The following USP12 variants were observed in gnomAD, a reference collection of about 807,000 sequenced individuals.
USP12 encodes the protein ubiquitin carboxyl-terminal hydrolase 12.
In USP12, 19 loss-of-function variants were observed where a neutral mutation model predicts 45.5. That is an observed-to-expected ratio of 0.42 (90% CI 0.29 to 0.61). The LOEUF is 0.61. USP12 is among the 20% of genes least tolerant of loss of function. The pLI is 0.22. For missense variants in USP12, 242 were observed against 447.7 expected, an observed-to-expected ratio of 0.54 and a Z score of 4.15; for synonymous variants, 149 against 148.8, an observed-to-expected ratio of 1.00 and a Z score of -0.01.
intron 6 of USP12, among the ~76,000 whole-genome samples, chr13:27,075,597 T>C (rs1343222908): frequency 6.6e-6 from 1 of 152,118 alleles, no homozygotes; most frequent in Non-Finnish European, 1.5e-5. Context: ...CTACCCATCA[T>C]TGTCACACCA....
At chr13:27,086,197 A>AAAAAATAT (rs1555233235) in intron 6 of USP12, among the ~76,000 whole-genome samples, 1 of 56,934 alleles carries the variant, frequency 1.8e-5, no homozygotes, top group Admixed American at 2.7e-4. Context: ...AAAAAAAAAA[A>AAAAAATAT]ATATATATAT....
chr13:27,148,563 A>G (rs558576250), intron 1 of USP12, among the ~76,000 whole-genome samples: 1 of 150,550 alleles, frequency 6.6e-6, no homozygotes, highest in Non-Finnish European at 1.5e-5. Flanking sequence ...AATCCCAGCT[A>G]CTCAGGAGGC....
intron 1 of USP12, among the ~76,000 whole-genome samples, chr13:27,132,506 G>A (rs1876553105): frequency 6.6e-6 from 1 of 152,166 alleles, no homozygotes; most frequent in Non-Finnish European, 1.5e-5. Flanking sequence ...CCCCTCGAAG[G>A]AGACTCTTCC....
intron 1 of USP12, among the ~76,000 whole-genome samples, chr13:27,133,257 T>G (rs1207853125): frequency 1.3e-5 from 2 of 152,220 alleles, no homozygotes; most frequent in African/African-American, 4.8e-5. Flanking sequence ...GACATCTTTC[T>G]GTTATTTCTA....
intron 2 of USP12, among the ~76,000 whole-genome samples, chr13:27,111,657 G>C (rs977787958): frequency 6.6e-6 from 1 of 152,010 alleles, no homozygotes; most frequent in Non-Finnish European, 1.5e-5. Flanking sequence ...AGACCATTTT[G>C]AGCGCACATC....
chr13:27,110,861 T>A (rs1875406290), intron 2 of USP12, among the ~76,000 whole-genome samples: 1 of 152,176 alleles, frequency 6.6e-6, no homozygotes, highest in Non-Finnish European at 1.5e-5. Context: ...TATTTTGGAA[T>A]AGGCAACAGG....
At chr13:27,163,911 T>C (rs1337605882) in intron 1 of USP12, among the ~76,000 whole-genome samples, 2 of 152,070 alleles carry the variant, frequency 1.3e-5, no homozygotes, top group African/African-American at 4.8e-5. Flanking sequence ...AGAGGACTAC[T>C]TCCTCAGCAC....
intron 1 of USP12, among the ~76,000 whole-genome samples, chr13:27,160,845 G>A (rs986598859): frequency 6.7e-6 from 1 of 149,618 alleles, no homozygotes; most frequent in Non-Finnish European, 1.5e-5. Flanking sequence ...GTGCAGGTTT[G>A]TGACACAGGT....
At chr13:27,107,577 T>A (rs1875201964) in intron 2 of USP12, among the ~76,000 whole-genome samples, 1 of 152,228 alleles carries the variant, frequency 6.6e-6, no homozygotes, top group South Asian at 2.1e-4. Flanking sequence ...TGTTTGTGTG[T>A]ACGTGTTTTC....
intron 6 of USP12, among the ~76,000 whole-genome samples, chr13:27,083,928 A>C (rs894838772): frequency 4.0e-5 from 6 of 150,970 alleles, no homozygotes; most frequent in Non-Finnish European, 7.4e-5. Flanking sequence ...GCAATGGCGC[A>C]ATCTCGGCTC....
At chr13:27,141,711 T>C (rs1877067892) in intron 1 of USP12, among the ~76,000 whole-genome samples, 1 of 152,190 alleles carries the variant, frequency 6.6e-6, no homozygotes, top group Non-Finnish European at 1.5e-5. Flanking sequence ...TTTCTTGCAG[T>C]AGAATGCCAA....
chr13:27,087,316 G>A (rs1226158469), intron 6 of USP12, among the ~76,000 whole-genome samples: 2 of 151,896 alleles, frequency 1.3e-5, no homozygotes, highest in African/African-American at 2.4e-5. Flanking sequence ...GGGAGCGGGG[G>A]CAGGAAGGCA....
rs34384911 is a variant in USP12 at position 27,163,768 on chromosome 13, T to TAAAAA, written c.48+7819_48+7823dup. 1.9e-4 allele frequency among the ~76,000 whole-genome samples: 16 copies of TAAAAA among 83,282 alleles called. 1 individual carries two copies. The highest frequency in any genetic ancestry group is 2.8e-4 in the Non-Finnish European group (12 of 42,838). 54.6% of individuals were successfully genotyped at this position (83,282 alleles called of 152,430 possible). On this transcript the variant is annotated intron_variant, in intron 1 of 8. Transcript: ENST00000282344. ...CTGAGCAATAGAGCAAGACCTGTCT[T>TAAAAA]AAAAAAAAAAAAAAAAAGAAAAAAA...
chr13:27,157,168 C>T (rs1011476610), intron 1 of USP12, among the ~76,000 whole-genome samples: 14 of 152,232 alleles, frequency 9.2e-5, no homozygotes, highest in African/African-American at 2.6e-4. Context: ...ATATATTCTG[C>T]GTAATAGTTA....
rs1874046998 is a variant in USP12, at chr13:27,086,351, T to G, written c.734+3532A>C. Reference sequence around the variant, plus strand: ...GAAGGATATAAAAATATTTTTTCATTAACATGGTTGCAATTTTTTAAGTGA... The same window carrying G: ...GAAGGATATAAAAATATTTTTTCATGAACATGGTTGCAATTTTTTAAGTGA... On this transcript the variant is annotated intron_variant, in intron 6 of 8. Transcript: ENST00000282344. Among the ~76,000 whole-genome samples, 3 of 150,662 alleles carry G rather than the reference T, an allele frequency of 2.0e-5. No homozygotes were observed. In the Admixed American group the frequency reaches 2.0e-4, roughly 10 times the overall value.
chr13:27,080,129 T>G (rs1240185697), intron 6 of USP12, among the ~76,000 whole-genome samples: 1 of 152,150 alleles, frequency 6.6e-6, no homozygotes, highest in African/African-American at 2.4e-5. Flanking sequence ...GTGATGGACA[T>G]CTGGAGATCC....
chr13:27,134,724 C>T (rs530828737), intron 1 of USP12, among the ~76,000 whole-genome samples: 39 of 151,760 alleles, frequency 2.6e-4, no homozygotes, highest in African/African-American at 8.9e-4. Flanking sequence ...ACAAGATAGA[C>T]GTCATAATAG....
Position 27,086,189 on chromosome 13 carries a change from A to ATATATAT in USP12, c.734+3693_734+3694insATATATA, listed in dbSNP as rs1378446137. Among the ~76,000 whole-genome samples the ATATATAT allele has an allele frequency of 9.1e-3, 738 of 81,492 alleles. 5 individuals carry two copies. The highest frequency in any genetic ancestry group is 0.014 in the Non-Finnish European group (539 of 39,826). 53.5% of individuals were successfully genotyped at this position (81,492 alleles called of 152,430 possible). A position where few individuals can be genotyped will look rare whatever the true frequency, so the allele number is the denominator to read the frequency against. Reference sequence around the variant, plus strand: ...TTTGTCTCTTTAAAAAAAAAAAAAAAAAAAAAAAATATATATATATATATA... The same window carrying ATATATAT: ...TTTGTCTCTTTAAAAAAAAAAAAAAATATATATAAAAAAAAATATATATATATATATA... On this transcript the variant is annotated intron_variant, in intron 6 of 8. Coordinates refer to ENST00000282344, the MANE Select transcript of USP12 (RefSeq NM_182488.4).
chr13:27,075,902 C>T (rs1050468412), intron 6 of USP12, among the ~76,000 whole-genome samples: 4 of 151,882 alleles, frequency 2.6e-5, no homozygotes, highest in Non-Finnish European at 4.4e-5. Context: ...TAGTGGCAGG[C>T]GCCCATAGTC....
Sources: allele counts gnomAD v4.1 joint callset (sites outside exome capture counted in the v4.1 genomes callset), GRCh38; gene constraint gnomAD v4.1.1; transcripts MANE v1.5; gene names NCBI Gene and HGNC (gene_info 2026-07-23, HGNC 2026-07-21).